FBXL7: variants seen among roughly 807,000 people sequenced by gnomAD.
The protein encoded by FBXL7 is F-box/LRR-repeat protein 7.
A neutral mutation model predicts 38.3 loss-of-function variants in FBXL7; 12 were observed. That is an observed-to-expected ratio of 0.31 (90% CI 0.20 to 0.51). The LOEUF (loss-of-function observed/expected upper bound fraction) is 0.51, where lower values mean the gene tolerates loss of function less well. Among genes scored for constraint, FBXL7 ranks in the 20% least tolerant of loss-of-function variants. FBXL7 has a pLI of 0.98. For missense variants in FBXL7, 567 were observed against 676.4 expected (o/e 0.84, Z 1.79); for synonymous variants, 297 against 300.9 (o/e 0.99, Z 0.13).
At chr5:15,785,526 C>T (rs938432218) in intron 2 of FBXL7, among the ~76,000 whole-genome samples, 52 of 152,300 alleles carry the variant, frequency 3.4e-4, no homozygotes, top group African/African-American at 1.2e-3. Flanking sequence ...GAGAATAGTG[C>T]CTTCGCCCTT....
intron 1 of FBXL7, among the ~76,000 whole-genome samples, chr5:15,516,612 A>G (rs1281247490): frequency 6.6e-6 from 1 of 152,066 alleles, no homozygotes; most frequent in Non-Finnish European, 1.5e-5. Flanking sequence ...TGTAGTTCCC[A>G]TAATTCTCCC....
At chr5:15,759,393 A>G (rs368883126) in intron 2 of FBXL7, among the ~76,000 whole-genome samples, 1 of 152,140 alleles carries the variant, frequency 6.6e-6, no homozygotes, top group South Asian at 2.1e-4. Flanking sequence ...GATTATGATA[A>G]TGAAATCATT....
At chr5:15,518,909 G>T (rs1213285959) in intron 1 of FBXL7, among the ~76,000 whole-genome samples, 1 of 152,076 alleles carries the variant, frequency 6.6e-6, no homozygotes, top group East Asian at 1.9e-4. Context: ...GTCAGCGCTT[G>T]TTTGGCCCGC....
intron 2 of FBXL7, among the ~76,000 whole-genome samples, chr5:15,804,617 C>T (rs1737656752): frequency 6.6e-6 from 1 of 152,188 alleles, no homozygotes; most frequent in Admixed American, 6.5e-5. Flanking sequence ...CAGTACCCAT[C>T]CATGACCTGT....
intron 2 of FBXL7, among the ~76,000 whole-genome samples, chr5:15,844,339 CCCCCGTGAAAA>C (rs1231923301): frequency 6.6e-6 from 1 of 152,144 alleles, no homozygotes; most frequent in African/African-American, 2.4e-5. Flanking sequence ...CCAGAGATGC[CCCCCGTGAAAA>C]CCCACTGTGA....
At chr5:15,672,505 A>G (rs1742511388) in intron 2 of FBXL7, among the ~76,000 whole-genome samples, 2 of 151,740 alleles carry the variant, frequency 1.3e-5, no homozygotes, top group African/African-American at 4.8e-5. Context: ...CATTCTAGGA[A>G]GTCTTTTGAA....
At chr5:15,685,649 T>A (rs1742994793) in intron 2 of FBXL7, among the ~76,000 whole-genome samples, 1 of 152,154 alleles carries the variant, frequency 6.6e-6, no homozygotes, top group East Asian at 1.9e-4. Flanking sequence ...TGAGTTCAGG[T>A]CCCAGCTTTG....
chr5:15,870,119 A>G (rs1739890261), intron 2 of FBXL7, among the ~76,000 whole-genome samples: 1 of 152,204 alleles, frequency 6.6e-6, no homozygotes, highest in East Asian at 1.9e-4. Flanking sequence ...CAATAATAAC[A>G]ATAATAAGTT....
chr5:15,628,147 T>A (rs77990842), intron 2 of FBXL7, among the ~76,000 whole-genome samples: 8,933 of 152,210 alleles, frequency 0.059, 728 homozygotes, highest in East Asian at 0.36. Context: ...AAAGAAACTT[T>A]CTGTTGTTTA....
chr5:15,905,340 G>C (rs1380040395), intron 2 of FBXL7, among the ~76,000 whole-genome samples: 2 of 152,034 alleles, frequency 1.3e-5, no homozygotes, highest in African/African-American at 4.8e-5. Context: ...TAAAAGATGT[G>C]GTCTTTTTAC....
chr5:15,791,087 T>A (rs907069225), intron 2 of FBXL7, among the ~76,000 whole-genome samples: 1 of 143,340 alleles, frequency 7.0e-6, no homozygotes, highest in Non-Finnish European at 1.5e-5. Context: ...GGGGGGGTTA[T>A]TGCATGTATC....
At chr5:15,901,121 C>T (rs1424134028) in intron 2 of FBXL7, among the ~76,000 whole-genome samples, 2 of 152,206 alleles carry the variant, frequency 1.3e-5, no homozygotes, top group Non-Finnish European at 2.9e-5. Context: ...TCCACCACTA[C>T]AGTTCACTGA....
chr5:15,503,540 G>A (rs1048194311), intron 1 of FBXL7, among the ~76,000 whole-genome samples: 4 of 152,148 alleles, frequency 2.6e-5, no homozygotes, highest in East Asian at 1.9e-4. Context: ...TAAGGCAAAC[G>A]CCAGCCTGTA....
At chr5:15,680,402 G>A (rs1742804047) in intron 2 of FBXL7, among the ~76,000 whole-genome samples, 1 of 152,148 alleles carries the variant, frequency 6.6e-6, no homozygotes, top group Non-Finnish European at 1.5e-5. Flanking sequence ...TAACTATACT[G>A]GGCAGCTATT....
At chr5:15,793,895 CTT>C in intron 2 of FBXL7, among the ~76,000 whole-genome samples, 1 of 152,170 alleles carries the variant, frequency 6.6e-6, no homozygotes, top group East Asian at 1.9e-4. Flanking sequence ...CAGCATGAAA[CTT>C]TAACGACTTT....
chr5:15,770,412 C>T (rs924590441), intron 2 of FBXL7, among the ~76,000 whole-genome samples: 6 of 152,172 alleles, frequency 3.9e-5, no homozygotes, highest in Admixed American at 3.9e-4. Context: ...GGAACAAATG[C>T]ATCTGGTGCC....
chr5:15,607,627 T>C (rs901677398), intron 1 of FBXL7, among the ~76,000 whole-genome samples: 1 of 152,178 alleles, frequency 6.6e-6, no homozygotes, highest in African/African-American at 2.4e-5. Context: ...TAGGAAAACC[T>C]GGCACGCTCT....
Position 15,937,098 on chromosome 5 carries a change from A to G in FBXL7, c.1388A>G (p.Asp463Gly). ...CFDLQTLNVQ[D>G]CEVSVEALRF... The stretch of plus-strand genomic sequence containing the variant: ...GACCTCCAGACGCTGAATGTCCAGG[A>G]CTGCGAGGTCTCCGTGGAGGCCCTG... Residue 463 changes from aspartate to glycine, a missense_variant, in exon 4 of 4, where the codon GAC becomes GGC. By Grantham distance (94) the Asp-to-Gly change is moderately conservative. Coordinates refer to ENST00000504595, the MANE Select transcript of FBXL7 (RefSeq NM_012304.5). 6.2e-7 allele frequency: 1 copy of G among 1,613,942 alleles called. No homozygotes were observed. The highest frequency in any genetic ancestry group is 1.1e-5 in the South Asian group (1 of 91,072).
intron 1 of FBXL7, among the ~76,000 whole-genome samples, chr5:15,585,649 C>T (rs552024312): frequency 7.2e-5 from 11 of 152,306 alleles, no homozygotes; most frequent in African/African-American, 2.4e-4. Flanking sequence ...AATTTATACT[C>T]ATTTTTCTTC....
Sources: allele counts gnomAD v4.1 joint callset (sites outside exome capture counted in the v4.1 genomes callset), GRCh38; gene constraint gnomAD v4.1.1; transcripts MANE v1.5; gene names NCBI Gene and HGNC (gene_info 2026-07-23, HGNC 2026-07-21).